RAF1: variants seen among roughly 807,000 people sequenced by gnomAD.
RAF1 encodes the protein Raf-1 proto-oncogene, serine/threonine kinase.
In RAF1, 27 loss-of-function variants were observed where a neutral mutation model predicts 81.1. That is an observed-to-expected ratio of 0.33 (90% confidence interval 0.25 to 0.46). RAF1 has a LOEUF of 0.46. RAF1 is among the 20% of genes least tolerant of loss of function. The pLI is 1.00. For missense variants in RAF1, 598 were observed against 826.0 expected (o/e 0.72, Z 3.38); for synonymous variants, 298 against 294.0 (o/e 1.01, Z -0.14).
rs145102400 is a variant in RAF1 at position 12,621,324 on chromosome 3, G to C, written c.-26-2577C>G. ...ACTAACACTCAAATCATTTTAGTCA[G>C]AGCTGAAATGGCCTAGAATTAAAGA... On this transcript the variant is annotated intron_variant, in intron 1 of 17. Transcript: ENST00000442415. 2.6e-5 allele frequency among the ~76,000 whole-genome samples: 4 copies of C among 152,284 alleles called. No individual in the cohort carries two copies. In the East Asian group the frequency reaches 7.7e-4, roughly 29 times the overall value.
At chr3:12,620,038 C>T (rs2059507537) in intron 1 of RAF1, among the ~76,000 whole-genome samples, 1 of 151,476 alleles carries the variant, frequency 6.6e-6, no homozygotes, top group African/African-American at 2.4e-5. Context: ...GCTGAGATCG[C>T]ACCACTGCAC....
In RAF1 at chr3:12,610,506, C is replaced by T. The variant is rs146989627; in HGVS notation, c.321-1171G>A. Among the ~76,000 whole-genome samples the T allele has an allele frequency of 1.1e-4, 17 of 152,268 alleles. No homozygotes were observed. In the East Asian group the frequency reaches 3.1e-3, roughly 28 times the overall value. On this transcript the variant is annotated intron_variant, in intron 3 of 17. Coordinates refer to ENST00000442415, the MANE Select transcript of RAF1 (RefSeq NM_001354689.3). ...CAGCCTTGGATGAGAGTAGACCAAG[C>T]CCTCCCTGTCTCAGAATCTCTCTAG...
intron 1 of RAF1, among the ~76,000 whole-genome samples, chr3:12,633,934 C>CAAAAAAAAAAAAAAAAAA (rs35322613): frequency 2.1e-5 from 2 of 95,542 alleles, no homozygotes; most frequent in Non-Finnish European, 4.3e-5. Context: ...AAAACTCTCT[C>CAAAAAAAAAAAAAAAAAA]AAAAAAAAAA....
chr3:12,627,021 C>CA (rs34692000), intron 1 of RAF1, among the ~76,000 whole-genome samples: 7,108 of 76,442 alleles, frequency 0.093, 446 homozygotes, highest in African/African-American at 0.21. Context: ...GACTCTGTCT[C>CA]AAAAAAAAAA....
intron 5 of RAF1, among the ~76,000 whole-genome samples, chr3:12,606,801 C>T (rs1175473263): frequency 6.6e-6 from 1 of 152,042 alleles, no homozygotes; most frequent in Non-Finnish European, 1.5e-5. Context: ...GTGTGCTGCA[C>T]CCAGTAACTT....
At chr3:12,635,611 G>A (rs1162701557) in intron 1 of RAF1, among the ~76,000 whole-genome samples, 3 of 136,494 alleles carry the variant, frequency 2.2e-5, no homozygotes, top group African/African-American at 8.3e-5. Context: ...ACTCCAGCCT[G>A]GGCAAAAAGA....
In RAF1 at chr3:12,583,797, G is replaced by C. The variant is rs951764147; in HGVS notation, c.*717C>G. 4.3e-6 allele frequency: 1 copy of C among 233,736 alleles called. No individual in the cohort carries two copies. The highest frequency in any genetic ancestry group is 2.2e-5 in the African/African-American group (1 of 45,336). The allele number at this position is 233,736 out of a possible 1,614,324, so 14.5% of individuals were successfully genotyped here. A position where few individuals can be genotyped will look rare whatever the true frequency, so the allele number is the denominator to read the frequency against. On this transcript the variant is annotated 3_prime_UTR_variant, in exon 18 of 18. Transcript: ENST00000442415. ...TTTGTTTGTTTGTTAGAGAAACAAG[G>C]CTGGCCCTGCGGCCCCGCCCCATAG...
chr3:12,584,424 G>A lies in RAF1; in HGVS notation c.*90C>T, dbSNP rs1007177258. 4 of 1,531,540 alleles carry A rather than the reference G, an allele frequency of 2.6e-6. No individual in the cohort carries two copies. Among genetic ancestry groups the A allele is most frequent in the East Asian group, 4.5e-5 (2 of 44,378 alleles). 94.9% of individuals were successfully genotyped at this position (1,531,540 alleles called of 1,614,324 possible). ...TTAGCAGCAGCTTCTCTGAAAACAT[G>A]TGTTCTGCCTCTGGAGAAAGGGAGC... On this transcript the variant is annotated 3_prime_UTR_variant, in exon 18 of 18. Coordinates refer to ENST00000442415, the MANE Select transcript of RAF1 (RefSeq NM_001354689.3).
chr3:12,659,222 G>A (rs2125588477), intron 1 of RAF1, among the ~76,000 whole-genome samples: 1 of 151,870 alleles, frequency 6.6e-6, no homozygotes, highest in Admixed American at 6.6e-5. Context: ...GAGGTCAGGA[G>A]TTCAAGACCA....
intron 1 of RAF1, among the ~76,000 whole-genome samples, chr3:12,655,000 A>ACT (rs1553624717): frequency 1.6e-5 from 2 of 128,120 alleles, no homozygotes; most frequent in African/African-American, 5.7e-5. Context: ...ACATAGTGAG[A>ACT]CCCCCCCCCC....
intron 15 of RAF1, 21 bp from the exon 15 acceptor site, chr3:12,585,274 C>T (rs1345673432): frequency 6.2e-7 from 1 of 1,613,712 alleles, no homozygotes. Context: ...CACCATATGA[C>T]AAAAGTGCAT....
At chr3:12,628,579 T>C (rs1389868045) in intron 1 of RAF1, among the ~76,000 whole-genome samples, 1 of 152,140 alleles carries the variant, frequency 6.6e-6, no homozygotes, top group Non-Finnish European at 1.5e-5. Flanking sequence ...ATTATCGTGT[T>C]AATAAGAAAA....
intron 11 of RAF1, among the ~76,000 whole-genome samples, chr3:12,592,907 T>G (rs2058564341): frequency 1.3e-5 from 2 of 150,508 alleles, no homozygotes; most frequent in African/African-American, 2.4e-5. Flanking sequence ...GGCTAATTTT[T>G]TGTGTGTGTT....
chr3:12,624,045 G>C (rs1468177773), intron 1 of RAF1, among the ~76,000 whole-genome samples: 3 of 151,766 alleles, frequency 2.0e-5, no homozygotes, highest in Non-Finnish European at 4.4e-5. Context: ...AGTAGAGACA[G>C]GGTTTCTCCA....
chr3:12,601,847 C>T (rs1003949503), intron 8 of RAF1, among the ~76,000 whole-genome samples: 4 of 152,196 alleles, frequency 2.6e-5, no homozygotes, highest in South Asian at 2.1e-4. Flanking sequence ...CCCTAATCCC[C>T]GACCCACGAT....
chr3:12,638,205 A>G (rs1490082388), intron 1 of RAF1, among the ~76,000 whole-genome samples: 1 of 152,256 alleles, frequency 6.6e-6, no homozygotes, highest in Non-Finnish European at 1.5e-5. Context: ...GCCTTTAAGT[A>G]TCTAGCATTT....
intron 5 of RAF1, among the ~76,000 whole-genome samples, chr3:12,607,798 A>C (rs1458368068): frequency 6.6e-6 from 1 of 151,978 alleles, no homozygotes; most frequent in East Asian, 1.9e-4. Context: ...TAAAACTACA[A>C]AAATTAGCTG....
intron 1 of RAF1, among the ~76,000 whole-genome samples, chr3:12,662,108 G>A (rs560347382): frequency 1.3e-5 from 2 of 151,804 alleles, no homozygotes; most frequent in Non-Finnish European, 2.9e-5. Flanking sequence ...GTGGAAGCAG[G>A]AGGATCGCCT....
At chr3:12,639,193 A>G (rs1221995402) in intron 1 of RAF1, among the ~76,000 whole-genome samples, 1 of 152,198 alleles carries the variant, frequency 6.6e-6, no homozygotes, top group Non-Finnish European at 1.5e-5. Flanking sequence ...AAAAACTCTC[A>G]ATAAACCAGG....
Sources: gnomAD v4.1 joint callset for allele counts (sites outside exome capture counted in the v4.1 genomes callset) on GRCh38, gnomAD v4.1.1 for gene constraint, MANE v1.5 for transcripts, NCBI Gene and HGNC (gene_info 2026-07-23, HGNC 2026-07-21) for gene names.